Variants in PLD5 observed in about 807,000 individuals in gnomAD.
The protein encoded by PLD5 is inactive phospholipase D5.
In PLD5, 36 loss-of-function variants were observed where a neutral mutation model predicts 61.1. That is an observed-to-expected ratio of 0.59 (90% CI 0.45 to 0.78). PLD5 has a LOEUF of 0.78. PLD5 is among the 30% of genes least tolerant of loss of function. PLD5 has a pLI of 0.00. For synonymous variants in PLD5, 243 were observed against 242.8 expected (o/e 1.00, Z -0.01); for missense variants, 515 against 644.4 (o/e 0.80, Z 2.17).
intron 9 of PLD5, among the ~76,000 whole-genome samples, chr1:242,092,229 C>T (rs140307973): frequency 0.01 from 1,560 of 152,166 alleles, 20 homozygotes; most frequent in African/African-American, 0.036. Flanking sequence ...TGAGCTCAAG[C>T]GATTCTCCCA....
At chr1:242,458,879 A>C (rs564925460) in intron 1 of PLD5, among the ~76,000 whole-genome samples, 1 of 152,354 alleles carries the variant, frequency 6.6e-6, no homozygotes, top group African/African-American at 2.4e-5. Flanking sequence ...TATTAACAAT[A>C]TTCTACAGAA....
intron 5 of PLD5, among the ~76,000 whole-genome samples, chr1:242,212,872 G>T (rs905293398): frequency 6.6e-6 from 1 of 152,186 alleles, no homozygotes; most frequent in Non-Finnish European, 1.5e-5. Context: ...CCCTGACGTG[G>T]CTCTTTCAAG....
At position 242,458,947 on chromosome 1, in the gene PLD5, C is replaced by G. The variant is rs187749521; in HGVS notation, c.189+65141G>C. On this transcript the variant is annotated intron_variant, in intron 1 of 9. Coordinates refer to ENST00000536534, the MANE Select transcript of PLD5 (RefSeq NM_001372062.1). ...CATTAATTGCAATAATAATGGGCTT[C>G]ATTGCTATTACTGCGACTGCTGCTA... Among the ~76,000 whole-genome samples, 426 of 152,266 alleles carry G rather than the reference C, an allele frequency of 2.8e-3. 2 individuals are homozygous for G. The highest frequency in any genetic ancestry group is 9.1e-3 in the African/African-American group (377 of 41,556).
intron 3 of PLD5, among the ~76,000 whole-genome samples, chr1:242,280,421 T>C (rs895719578): frequency 2.6e-5 from 4 of 151,884 alleles, no homozygotes; most frequent in African/African-American, 9.7e-5. Flanking sequence ...GTATCCTAAT[T>C]ATGCTTTCAT....
chr1:242,349,746 G>C (rs564483179), intron 1 of PLD5, among the ~76,000 whole-genome samples: 1 of 152,242 alleles, frequency 6.6e-6, no homozygotes, highest in East Asian at 1.9e-4. Flanking sequence ...AAATCATTTT[G>C]ACTGCTACAG....
chr1:242,107,620 T>C lies in PLD5; in HGVS notation c.1239+51A>G, dbSNP rs755834028. ...CGTATGCTTGCAGCTTTCACACACATGCAGAGGGCATTCACTTTTTATTTA... is the reference window on the plus strand; with the variant it reads ...CGTATGCTTGCAGCTTTCACACACACGCAGAGGGCATTCACTTTTTATTTA... On this transcript the variant is annotated intron_variant, in intron 8 of 9. Coordinates refer to ENST00000536534, the MANE Select transcript of PLD5 (RefSeq NM_001372062.1). 8 of 1,492,524 alleles carry C rather than the reference T, an allele frequency of 5.4e-6. No homozygotes were observed. The Admixed American group carries it at 1.6e-4, about 29-fold the overall frequency. The allele number at this position is 1,492,524 out of a possible 1,614,324, so 92.5% of individuals were successfully genotyped here.
chr1:242,458,072 C>T lies in PLD5; in HGVS notation c.189+66016G>A, dbSNP rs558911685. Among the ~76,000 whole-genome samples the T allele has an allele frequency of 2.4e-4, 36 of 152,294 alleles. 1 individual carries two copies. In the South Asian group the frequency reaches 7.0e-3, roughly 30 times the overall value. On this transcript the variant is annotated intron_variant, in intron 1 of 9. Transcript: ENST00000536534. Reference sequence around the variant, plus strand: ...AGATATTCAAACTTGGGCTGTCACACTACTGTCTGGTCACTCTGTCCCTCC... The same window carrying T: ...AGATATTCAAACTTGGGCTGTCACATTACTGTCTGGTCACTCTGTCCCTCC...
At chr1:242,328,538 T>C (rs1412922788) in intron 2 of PLD5, among the ~76,000 whole-genome samples, 2 of 152,246 alleles carry the variant, frequency 1.3e-5, no homozygotes, top group Non-Finnish European at 2.9e-5. Flanking sequence ...TCTATAAATA[T>C]AAATGTTCTA....
At chr1:242,327,177 TTTAA>T (rs547245948) in intron 2 of PLD5, among the ~76,000 whole-genome samples, 2,929 of 152,036 alleles carry the variant, frequency 0.019, 93 homozygotes, top group African/African-American at 0.066. Flanking sequence ...AATTTTTTTT[TTTAA>T]TTGTTTGTAG....
intron 1 of PLD5, among the ~76,000 whole-genome samples, chr1:242,387,968 T>G (rs1455450043): frequency 1.3e-5 from 2 of 152,110 alleles, no homozygotes; most frequent in Non-Finnish European, 2.9e-5. Flanking sequence ...AGGGAAATAT[T>G]GATAATGCAG....
intron 9 of PLD5, among the ~76,000 whole-genome samples, chr1:242,090,694 G>T (rs1486626513): frequency 2.6e-5 from 4 of 152,192 alleles, no homozygotes; most frequent in Non-Finnish European, 5.9e-5. Flanking sequence ...GACTGCCCGT[G>T]TTATGTGGTG....
At chr1:242,351,904 A>T (rs1411138999) in intron 1 of PLD5, among the ~76,000 whole-genome samples, 4 of 152,098 alleles carry the variant, frequency 2.6e-5, no homozygotes, top group Non-Finnish European at 5.9e-5. Flanking sequence ...TTGCCATTTT[A>T]TTTTTCATTC....
intron 5 of PLD5, among the ~76,000 whole-genome samples, chr1:242,205,720 A>C (rs1237265786): frequency 6.6e-6 from 1 of 152,216 alleles, no homozygotes; most frequent in South Asian, 2.1e-4. Context: ...GAGGTAAAAC[A>C]TATCTTTCAA....
At chr1:242,436,674 A>T (rs7532174) in intron 1 of PLD5, among the ~76,000 whole-genome samples, 10,773 of 152,150 alleles carry the variant, frequency 0.071, 455 homozygotes, top group East Asian at 0.11. Flanking sequence ...GAATACACTC[A>T]CCTTAAGGGG....
intron 1 of PLD5, among the ~76,000 whole-genome samples, chr1:242,488,841 A>T (rs1035005840): frequency 3.3e-5 from 5 of 152,144 alleles, no homozygotes; most frequent in Admixed American, 1.3e-4. Context: ...GGGATGAGGG[A>T]GTATTTGGGA....
chr1:242,111,651 C>A (rs1661513873), intron 7 of PLD5, among the ~76,000 whole-genome samples: 1 of 151,976 alleles, frequency 6.6e-6, no homozygotes, highest in South Asian at 2.1e-4. Flanking sequence ...TCCTGAAAAG[C>A]TTTTCTGGGA....
chr1:242,296,095 G>A (rs1015316352), intron 2 of PLD5, among the ~76,000 whole-genome samples: 5 of 152,078 alleles, frequency 3.3e-5, no homozygotes, highest in East Asian at 1.9e-4. Flanking sequence ...AAAGATTAAC[G>A]GAGGGAATCT....
chr1:242,432,513 T>C (rs533742576), intron 1 of PLD5, among the ~76,000 whole-genome samples: 5 of 152,356 alleles, frequency 3.3e-5, no homozygotes, highest in Non-Finnish European at 7.3e-5. Flanking sequence ...GGTGTGTCTT[T>C]AGAAATCTGT....
chr1:242,373,711 A>T (rs1161241890), intron 1 of PLD5, among the ~76,000 whole-genome samples: 1 of 152,120 alleles, frequency 6.6e-6, no homozygotes, highest in African/African-American at 2.4e-5. Context: ...CAGAAAACCA[A>T]ACACCGCACG....
Sources: allele counts gnomAD v4.1 joint callset (sites outside exome capture counted in the v4.1 genomes callset), GRCh38; gene constraint gnomAD v4.1.1; transcripts MANE v1.5; gene names NCBI Gene and HGNC (gene_info 2026-07-23, HGNC 2026-07-21).